Variants in TMEM132B observed in about 807,000 individuals in gnomAD.
The protein encoded by TMEM132B is transmembrane protein 132B.
TMEM132B carries 18 observed loss-of-function variants against 90.8 expected under a neutral mutation model. The observed-to-expected ratio is 0.20, with a 90% CI of 0.14 to 0.29. TMEM132B has a LOEUF of 0.29. TMEM132B is among the 10% of genes least tolerant of loss of function. The pLI is 1.00. For missense variants in TMEM132B, 1,096 were observed against 1,326.8 expected, an observed-to-expected ratio of 0.83 and a Z score of 2.70; for synonymous variants, 504 against 523.3, an observed-to-expected ratio of 0.96 and a Z score of 0.50.
intron 5 of TMEM132B, among the ~76,000 whole-genome samples, chr12:125,637,919 C>A (rs1886527272): frequency 6.6e-6 from 1 of 152,214 alleles, no homozygotes; most frequent in African/African-American, 2.4e-5. Context: ...AATGTTCTGT[C>A]TGTGTAGTGT....
At chr12:125,395,654 T>C (rs1020568174) in intron 2 of TMEM132B, among the ~76,000 whole-genome samples, 7 of 152,276 alleles carry the variant, frequency 4.6e-5, no homozygotes, top group African/African-American at 1.4e-4. Flanking sequence ...CAGAGCCTGA[T>C]TGTTTTTTGT....
At chr12:125,504,131 G>A (rs777548583) in intron 3 of TMEM132B, among the ~76,000 whole-genome samples, 1 of 152,144 alleles carries the variant, frequency 6.6e-6, no homozygotes, top group Non-Finnish European at 1.5e-5. Flanking sequence ...CACATTTTGG[G>A]ATTACAGGAA....
chr12:125,424,117 T>C (rs1233580942), intron 3 of TMEM132B, among the ~76,000 whole-genome samples: 1 of 152,250 alleles, frequency 6.6e-6, no homozygotes, highest in Non-Finnish European at 1.5e-5. Flanking sequence ...TTTTTTCCTC[T>C]TTTAAACATT....
At chr12:125,339,209 G>A (rs1480682090) in intron 1 of TMEM132B, among the ~76,000 whole-genome samples, 1 of 152,186 alleles carries the variant, frequency 6.6e-6, no homozygotes, top group East Asian at 1.9e-4. Flanking sequence ...CCATAACAAA[G>A]TACCACATAT....
chr12:125,368,127 C>T (rs1648207438), intron 2 of TMEM132B, among the ~76,000 whole-genome samples: 1 of 152,082 alleles, frequency 6.6e-6, no homozygotes, highest in African/African-American at 2.4e-5. Context: ...ATAGTCCATT[C>T]TCCACATCTT....
chr12:125,333,806 G>A (rs1182641686), intron 1 of TMEM132B, among the ~76,000 whole-genome samples: 1 of 152,224 alleles, frequency 6.6e-6, no homozygotes, highest in Admixed American at 6.5e-5. Flanking sequence ...AAATCACTGA[G>A]TAGGTAAAAT....
intron 4 of TMEM132B, among the ~76,000 whole-genome samples, chr12:125,549,727 C>T (rs940510490): frequency 2.0e-5 from 3 of 152,152 alleles, no homozygotes; most frequent in Non-Finnish European, 4.4e-5. Flanking sequence ...TGAAAATTTA[C>T]GTTCTGCAGA....
chr12:125,570,363 G>A (rs954703537), intron 4 of TMEM132B, among the ~76,000 whole-genome samples: 4 of 152,152 alleles, frequency 2.6e-5, no homozygotes, highest in African/African-American at 9.7e-5. Flanking sequence ...ACCCTCAATC[G>A]TGTCAGTTAA....
chr12:125,652,654 C>G, intron 8 of TMEM132B, 22 bp downstream of exon 8: 1 of 1,594,590 alleles, frequency 6.3e-7, no homozygotes, highest in Non-Finnish European at 8.5e-7. Context: ...AGGGGCCCTG[C>G]GTCCTTGGTC....
intron 1 of TMEM132B, among the ~76,000 whole-genome samples, chr12:125,289,711 C>G (rs1183655023): frequency 6.6e-6 from 1 of 152,240 alleles, no homozygotes; most frequent in African/African-American, 2.4e-5. Flanking sequence ...ACTTTGCAGA[C>G]AGAGTCTGAG....
chr12:125,378,662 T>G (rs961822426), intron 2 of TMEM132B, among the ~76,000 whole-genome samples: 35 of 152,222 alleles, frequency 2.3e-4, no homozygotes, highest in African/African-American at 8.2e-4. Context: ...CACCCAGAGC[T>G]ACCTACTTGC....
intron 3 of TMEM132B, among the ~76,000 whole-genome samples, chr12:125,426,518 TA>T (rs980640586): frequency 2.0e-5 from 3 of 152,016 alleles, no homozygotes; most frequent in East Asian, 1.9e-4. Flanking sequence ...GTGTGTTTGT[TA>T]AAAAAAAGTC....
chr12:125,653,507 G>A (rs767812595), intron 8 of TMEM132B, 58 bp from the exon 9 acceptor site: 18 of 1,509,862 alleles, frequency 1.2e-5, no homozygotes, highest in Non-Finnish European at 1.6e-5. Context: ...TTATACTTAT[G>A]TTTTCAAATG....
At chr12:125,653,403 G>A (rs992834370) in intron 8 of TMEM132B, among the ~76,000 whole-genome samples, 162 bp from the exon 9 acceptor site, 3 of 152,174 alleles carry the variant, frequency 2.0e-5, no homozygotes, top group Non-Finnish European at 4.4e-5. Flanking sequence ...CATTATTGAT[G>A]CCGGTTCAAC....
rs1425782805 is a variant in TMEM132B, at chr12:125,406,979, T to C, written c.960-8552T>C. On this transcript the variant is annotated intron_variant, in intron 2 of 8. Coordinates refer to ENST00000682704, the MANE Select transcript of TMEM132B (RefSeq NM_001366854.1). The surrounding 1 kb of genome is among the most constrained non-coding windows in gnomAD (Gnocchi z 8.3). ...TCCCAGTGGAGTCGTATGGACAGCA[T>C]TTGCTTCTCCCAGAGCTGATGTGCA... is the stretch of plus-strand genomic sequence containing the variant. Among the ~76,000 whole-genome samples the C allele has an allele frequency of 2.0e-5, 3 of 152,164 alleles. No individual in the cohort carries two copies. The highest frequency in any genetic ancestry group is 2.0e-4 in the Admixed American group (3 of 15,274).
At chr12:125,372,498 G>A (rs1383244318) in intron 2 of TMEM132B, among the ~76,000 whole-genome samples, 1 of 152,154 alleles carries the variant, frequency 6.6e-6, no homozygotes, top group Non-Finnish European at 1.5e-5. Context: ...ATTGGGTTTA[G>A]CCAAAGGAGC....
chr12:125,271,518 A>T (rs1036748713), intron 1 of TMEM132B, among the ~76,000 whole-genome samples: 1 of 152,166 alleles, frequency 6.6e-6, no homozygotes, highest in Non-Finnish European at 1.5e-5. Flanking sequence ...GAGTAAAAAA[A>T]TTTTAAAAAT....
chr12:125,364,202 G>T (rs887939957), intron 2 of TMEM132B, among the ~76,000 whole-genome samples: 1 of 152,120 alleles, frequency 6.6e-6, no homozygotes, highest in African/African-American at 2.4e-5. Flanking sequence ...AACTGTATCT[G>T]CATGTTTTAT....
intron 3 of TMEM132B, among the ~76,000 whole-genome samples, chr12:125,444,986 T>A (rs1246435013): frequency 2.0e-5 from 3 of 152,160 alleles, no homozygotes; most frequent in African/African-American, 4.8e-5. Flanking sequence ...ATATATCCCC[T>A]ACTAGTTCTA....
Sources: allele counts gnomAD v4.1 joint callset (sites outside exome capture counted in the v4.1 genomes callset), GRCh38; gene constraint gnomAD v4.1.1; non-coding constraint Gnocchi (gnomAD v3.1); transcripts MANE v1.5; gene names NCBI Gene and HGNC (gene_info 2026-07-23, HGNC 2026-07-21).